DOCK7: variants seen among roughly 807,000 people sequenced by gnomAD.
The protein encoded by DOCK7 is dedicator of cytokinesis 7.
DOCK7 carries 138 observed loss-of-function variants against 271.0 expected under a neutral mutation model. The observed-to-expected ratio is 0.51, with a 90% CI of 0.44 to 0.59. The LOEUF (loss-of-function observed/expected upper bound fraction) is 0.59. Ranked by LOEUF, DOCK7 falls within the 20% of genes least tolerant of loss-of-function variation. DOCK7 has a pLI of 0.00. For missense variants in DOCK7, 2,066 were observed against 2,592.4 expected (o/e 0.80, Z 4.41); for synonymous variants, 823 against 876.1 (o/e 0.94, Z 1.07).
At chr1:62,575,138 C>T (rs1646907565) in intron 18 of DOCK7, among the ~76,000 whole-genome samples, 1 of 152,172 alleles carries the variant, frequency 6.6e-6, no homozygotes, top group African/African-American at 2.4e-5. Context: ...AACTCCAGAA[C>T]TCGAGTGATC....
At chr1:62,577,915 T>C (rs915154740) in intron 17 of DOCK7, among the ~76,000 whole-genome samples, 4 of 151,936 alleles carry the variant, frequency 2.6e-5, no homozygotes, top group African/African-American at 9.7e-5. Context: ...AATTCAACCA[T>C]AGTAATTTTT....
Position 62,557,204 on chromosome 1 carries a change from G to A in DOCK7, c.2432-1215C>T, listed in dbSNP as rs181609869. On this transcript the variant is annotated intron_variant, in intron 20 of 49. Coordinates refer to ENST00000635253, the MANE Select transcript of DOCK7 (RefSeq NM_001367561.1). ...TGTGAGCTACCACACCTGGCCAAAA[G>A]TCCTCATCTTTTTCTACAAATTTAT... 4.6e-3 allele frequency among the ~76,000 whole-genome samples: 693 copies of A among 151,554 alleles called. 6 individuals carry two copies. The highest frequency in any genetic ancestry group is 0.016 in the African/African-American group (669 of 41,378).
intron 22 of DOCK7, 100 bp downstream of exon 22, chr1:62,552,632 T>C: frequency 1.7e-6 from 2 of 1,189,350 alleles, no homozygotes; most frequent in Non-Finnish European, 2.3e-6. Flanking sequence ...ATTCCTAACT[T>C]ACATACATCT....
At chr1:62,679,928 G>C (rs1660924989) in intron 1 of DOCK7, among the ~76,000 whole-genome samples, 1 of 152,174 alleles carries the variant, frequency 6.6e-6, no homozygotes, top group Non-Finnish European at 1.5e-5. Context: ...CTCATGGATA[G>C]GAAGAATCAA....
At chr1:62,658,139 GAA>G (rs376855907) in intron 2 of DOCK7, among the ~76,000 whole-genome samples, 4 of 132,008 alleles carry the variant, frequency 3.0e-5, no homozygotes, top group African/African-American at 8.3e-5. Flanking sequence ...TTTAGACAAA[GAA>G]AAAAAAAAAA....
chr1:62,651,449 T>TA (rs71045850), intron 4 of DOCK7, among the ~76,000 whole-genome samples: 22 of 130,148 alleles, frequency 1.7e-4, no homozygotes, highest in African/African-American at 5.4e-4. Flanking sequence ...TAAAGTATAA[T>TA]AAAAAAAAAA....
intron 33 of DOCK7, among the ~76,000 whole-genome samples, 166 bp downstream of exon 33, chr1:62,513,278 C>A (rs1644552821): frequency 8.7e-6 from 1 of 115,006 alleles, no homozygotes; most frequent in Admixed American, 1.2e-4. Context: ...GGTATGCTGA[C>A]TCACCTAAAT....
In DOCK7 at chr1:62,634,935, A is replaced by T. The variant is rs760229843; in HGVS notation, c.886-13T>A. The T allele has an allele frequency of 6.4e-7, 1 of 1,564,442 alleles. No individual in the cohort carries two copies. The highest frequency in any genetic ancestry group is 1.2e-5 in the South Asian group (1 of 86,922). ...AGTTTTCTGAAATCTAAAAAATATT[A>T]GTATGTTAAACTTTAAAATATGTAC... On this transcript the variant is annotated splice_polypyrimidine_tract_variant and intron_variant, in intron 8 of 49. Transcript: ENST00000635253.
chr1:62,620,889 A>G (rs1247548769), intron 12 of DOCK7, among the ~76,000 whole-genome samples: 6 of 150,000 alleles, frequency 4.0e-5, no homozygotes, highest in Non-Finnish European at 5.9e-5. Context: ...GTCTCAAAAA[A>G]AAAAAAAAAA....
intron 39 of DOCK7, chr1:62,494,964 G>A (rs546007951): frequency 2.6e-5 from 4 of 152,382 alleles, no homozygotes; most frequent in Admixed American, 6.6e-5. Context: ...AATACAATAC[G>A]ATTTATGGAG....
chr1:62,491,616 A>T (rs1480822427), intron 41 of DOCK7, among the ~76,000 whole-genome samples: 1 of 152,212 alleles, frequency 6.6e-6, no homozygotes, highest in African/African-American at 2.4e-5. Context: ...CAGGCCTCCA[A>T]TAACTACCTA....
intron 11 of DOCK7, among the ~76,000 whole-genome samples, chr1:62,630,640 T>C (rs982478018): frequency 6.6e-5 from 10 of 151,994 alleles, no homozygotes; most frequent in Non-Finnish European, 1.5e-4. Context: ...GGGGAGAACA[T>C]GCAAACTCTA....
chr1:62,683,755 C>T (rs913499164), intron 1 of DOCK7, among the ~76,000 whole-genome samples: 7 of 151,098 alleles, frequency 4.6e-5, no homozygotes, highest in Admixed American at 3.9e-4. Context: ...GGCAACATGG[C>T]GAAAACCCGT....
intron 19 of DOCK7, among the ~76,000 whole-genome samples, chr1:62,559,866 T>A (rs1000586167): frequency 6.6e-6 from 1 of 152,190 alleles, no homozygotes; most frequent in African/African-American, 2.4e-5. Context: ...CTCAAACGTT[T>A]GTGCAAAACA....
rs185785675 is a variant in DOCK7, at chr1:62,670,102, C to T, written c.39-6972G>A. ...CCCACCGGTGCTGCGCTCGATTTCT[C>T]GCCGGGCCTTGGCTGCCTTCCCACG... On this transcript the variant is annotated intron_variant, in intron 1 of 49. Transcript: ENST00000635253. Among the ~76,000 whole-genome samples, 13 of 152,316 alleles carry T rather than the reference C, an allele frequency of 8.5e-5. No individual in the cohort carries two copies. In the East Asian group the frequency reaches 1.7e-3, roughly 20 times the overall value.
chr1:62,528,714 G>A (rs1014388777), intron 30 of DOCK7, among the ~76,000 whole-genome samples: 2 of 152,086 alleles, frequency 1.3e-5, no homozygotes, highest in South Asian at 2.1e-4. Flanking sequence ...GGAAGCTATC[G>A]GGCTAATTGC....
Position 62,455,259 on chromosome 1 carries a change from G to T in DOCK7, c.*155C>A. The T allele has an allele frequency of 1.2e-6, 1 of 801,214 alleles. No homozygotes were observed. 49.6% of individuals were successfully genotyped at this position (801,214 alleles called of 1,614,324 possible). On this transcript the variant is annotated 3_prime_UTR_variant, in exon 50 of 50. Coordinates refer to ENST00000635253, the MANE Select transcript of DOCK7 (RefSeq NM_001367561.1). ...GAAACCATAGCCATGATTCTCAAGC[G>T]TTAACAATCTACATTTGATATTTTC...
chr1:62,619,959 T>C lies in DOCK7; in HGVS notation c.1460A>G (p.Lys487Arg), dbSNP rs72913293. 3.9e-3 allele frequency: 6,243 copies of C among 1,613,714 alleles called. 60 individuals are homozygous for C. Among genetic ancestry groups the C allele is most frequent in the African/African-American group, 0.029 (2,194 of 74,976 alleles). Residue 487 changes from lysine (K) to arginine (R), a missense_variant, in exon 13 of 50, where the codon AAA becomes AGA. Lys to Arg is a conservative substitution (Grantham distance 26, BLOSUM62 2). Transcript: ENST00000635253. ...GDRLSDEDLY[K>R]FLADMRRPSS... Reference sequence around the variant, plus strand: ...TGGCCTTCTCATATCAGCAAGGAATTTGTAGAGATCTTCATCACTTAAGCG... The same window carrying C: ...TGGCCTTCTCATATCAGCAAGGAATCTGTAGAGATCTTCATCACTTAAGCG...
intron 14 of DOCK7, chr1:62,605,719 C>A (rs749696011): frequency 6.6e-6 from 1 of 152,260 alleles, no homozygotes; most frequent in Non-Finnish European, 1.5e-5. Flanking sequence ...AGTTACTGAA[C>A]GTTTAAACAG....
Sources: gnomAD v4.1 joint callset for allele counts (sites outside exome capture counted in the v4.1 genomes callset) on GRCh38, gnomAD v4.1.1 for gene constraint, MANE v1.5 for transcripts, NCBI Gene and HGNC (gene_info 2026-07-23, HGNC 2026-07-21) for gene names.